ENOX1: variants seen among roughly 807,000 people sequenced by gnomAD.
The protein encoded by ENOX1 is candidate growth-related and time keeping constitutive hydroquinone (NADH) oxidase.
ENOX1 carries 42 observed loss-of-function variants against 82.5 expected under a neutral mutation model. That is an observed-to-expected ratio of 0.51 (90% confidence interval 0.40 to 0.66). ENOX1 has a LOEUF of 0.66. Ranked by LOEUF, ENOX1 falls within the 30% of genes least tolerant of loss-of-function variation. The pLI is 0.00. For synonymous variants in ENOX1, 271 were observed against 282.2 expected, an observed-to-expected ratio of 0.96 and a Z score of 0.40; for missense variants, 608 against 811.6, an observed-to-expected ratio of 0.75 and a Z score of 3.05.
At chr13:43,481,420 T>C (rs1361256429) in intron 3 of ENOX1, among the ~76,000 whole-genome samples, 1 of 152,108 alleles carries the variant, frequency 6.6e-6, no homozygotes, top group African/African-American at 2.4e-5. Flanking sequence ...TGTAAGAACT[T>C]ATTCTTCAAT....
At chr13:43,418,373 T>A (rs150368983) in intron 3 of ENOX1, among the ~76,000 whole-genome samples, 7,329 of 151,840 alleles carry the variant, frequency 0.048, 191 homozygotes, top group South Asian at 0.09. Flanking sequence ...ACTAAAAATA[T>A]AAAAATTAGC....
intron 1 of ENOX1, among the ~76,000 whole-genome samples, chr13:43,721,621 G>A (rs1482431251): frequency 5.3e-5 from 8 of 151,530 alleles, no homozygotes; most frequent in African/African-American, 1.2e-4. Context: ...CTCGTGATCC[G>A]CCCGCCTCAG....
At position 43,496,741 on chromosome 13, in the gene ENOX1, T is replaced by C. The variant is rs1320658967; in HGVS notation, c.-218-12589A>G. Among the ~76,000 whole-genome samples, 5 of 152,274 alleles carry C rather than the reference T, an allele frequency of 3.3e-5. No individual in the cohort carries two copies. The East Asian group carries it at 7.7e-4, about 24-fold the overall frequency. ...CAAAATTGCTTTGTTATTAAATCAA[T>C]TTACTGTATAAGTCTGTGTCTATTT... On this transcript the variant is annotated intron_variant, in intron 2 of 16. Coordinates refer to ENST00000690772, the MANE Select transcript of ENOX1 (RefSeq NM_001347969.2).
rs1260830658 is a variant in ENOX1 at position 43,214,892 on chromosome 13, C to CTGTT, written c.1801-775_1801-772dup. ...GGCGGCCAATTTGGGGTCTGATATT[C>CTGTT]TGTTTGAATATCCCCAAAATTTGGG... On this transcript the variant is annotated intron_variant, in intron 16 of 16. Transcript: ENST00000690772. Among the ~76,000 whole-genome samples, 30 of 152,144 alleles carry CTGTT rather than the reference C, an allele frequency of 2.0e-4. 1 individual carries two copies. The highest frequency in any genetic ancestry group is 6.8e-4 in the African/African-American group (28 of 41,434).
chr13:43,244,938 G>A (rs1479757682), intron 14 of ENOX1, among the ~76,000 whole-genome samples: 1 of 152,166 alleles, frequency 6.6e-6, no homozygotes, highest in Non-Finnish European at 1.5e-5. Flanking sequence ...GTCAAGATGT[G>A]TATCAGCTAC....
intron 9 of ENOX1, among the ~76,000 whole-genome samples, chr13:43,342,083 A>C (rs34396499): frequency 0.22 from 33,075 of 152,126 alleles, 4,537 homozygotes; most frequent in East Asian, 0.58. Flanking sequence ...GAGACCTCAG[A>C]CCTGGCAGCC....
chr13:43,722,337 T>G (rs2088635258), intron 1 of ENOX1, among the ~76,000 whole-genome samples: 1 of 152,188 alleles, frequency 6.6e-6, no homozygotes, highest in South Asian at 2.1e-4. Context: ...AGCCACTGAC[T>G]TCTAACAGTT....
chr13:43,581,058 C>T (rs1042881576), intron 2 of ENOX1, among the ~76,000 whole-genome samples: 7 of 148,602 alleles, frequency 4.7e-5, no homozygotes, highest in Non-Finnish European at 7.5e-5. Context: ...TCTCTTATAC[C>T]TAAACATAGA....
At chr13:43,469,686 CT>C (rs769675649) in intron 3 of ENOX1, among the ~76,000 whole-genome samples, 5 of 151,914 alleles carry the variant, frequency 3.3e-5, no homozygotes, top group Non-Finnish European at 7.4e-5. Context: ...GAAGTCAATT[CT>C]TCCCAAACTG....
intron 3 of ENOX1, among the ~76,000 whole-genome samples, chr13:43,478,469 G>GA: frequency 6.6e-6 from 1 of 151,970 alleles, no homozygotes; most frequent in Non-Finnish European, 1.5e-5. Flanking sequence ...AGACAAGACA[G>GA]AAAAATCCCC....
chr13:43,691,381 CG>C, intron 1 of ENOX1, among the ~76,000 whole-genome samples: 1 of 151,868 alleles, frequency 6.6e-6, no homozygotes, highest in Non-Finnish European at 1.5e-5. Flanking sequence ...CCATCCTACT[CG>C]TCTTCCATGA....
At chr13:43,452,613 C>T (rs942024096) in intron 3 of ENOX1, among the ~76,000 whole-genome samples, 3 of 152,166 alleles carry the variant, frequency 2.0e-5, no homozygotes, top group African/African-American at 7.2e-5. Flanking sequence ...ACCTCTGTCT[C>T]CTGGGTTCAA....
At chr13:43,743,178 C>A (rs1949842702) in intron 1 of ENOX1, among the ~76,000 whole-genome samples, 1 of 152,054 alleles carries the variant, frequency 6.6e-6, no homozygotes, top group Admixed American at 6.6e-5. Context: ...TTTAGAGAAG[C>A]CCTGAAGCCT....
chr13:43,725,898 T>C (rs1227094333), intron 1 of ENOX1, among the ~76,000 whole-genome samples: 5 of 150,604 alleles, frequency 3.3e-5, no homozygotes, highest in Admixed American at 1.3e-4. Flanking sequence ...GCCCAGGAGG[T>C]GGAGGCTGCA....
At chr13:43,238,852 G>C (rs2042676882) in intron 14 of ENOX1, among the ~76,000 whole-genome samples, 1 of 152,028 alleles carries the variant, frequency 6.6e-6, no homozygotes, top group South Asian at 2.1e-4. Flanking sequence ...TGGTGTCCTG[G>C]GGCCATCACA....
chr13:43,690,763 T>C (rs1294258575), intron 1 of ENOX1, among the ~76,000 whole-genome samples: 1 of 152,206 alleles, frequency 6.6e-6, no homozygotes, highest in Non-Finnish European at 1.5e-5. Context: ...TAGCTTCAAA[T>C]ATCATCTGCA....
intron 16 of ENOX1, among the ~76,000 whole-genome samples, chr13:43,215,136 A>AAAT (rs1299207403): frequency 6.6e-6 from 1 of 152,192 alleles, no homozygotes; most frequent in African/African-American, 2.4e-5. Context: ...ATATCATTTT[A>AAAT]GAGTCTACAC....
At chr13:43,435,589 A>G (rs947058010) in intron 3 of ENOX1, among the ~76,000 whole-genome samples, 2 of 152,222 alleles carry the variant, frequency 1.3e-5, no homozygotes, top group African/African-American at 4.8e-5. Context: ...CAAGAAATAA[A>G]CCACGGTACT....
At chr13:43,747,142 C>T (rs1036385489) in intron 1 of ENOX1, among the ~76,000 whole-genome samples, 6 of 152,278 alleles carry the variant, frequency 3.9e-5, no homozygotes, top group Non-Finnish European at 7.4e-5. Flanking sequence ...ACCCGTACCA[C>T]TTCAGATTCC....
Sources: gnomAD v4.1 joint callset for allele counts (sites outside exome capture counted in the v4.1 genomes callset) on GRCh38, gnomAD v4.1.1 for gene constraint, MANE v1.5 for transcripts, NCBI Gene and HGNC (gene_info 2026-07-23, HGNC 2026-07-21) for gene names.